CYB5R3: variants seen among roughly 807,000 people sequenced by gnomAD.
CYB5R3 encodes cytochrome b5 reductase 3, also known as NADH-cytochrome b5 reductase 3.
Under a neutral mutation model 36.5 loss-of-function variants are expected in CYB5R3, and 28 were observed. The ratio of observed to expected loss-of-function variants is 0.77; its 90% CI spans 0.57 to 1.05. CYB5R3 has a LOEUF of 1.05. CYB5R3 is among the 50% of genes least tolerant of loss of function. The pLI is 0.00. For synonymous variants in CYB5R3, 181 were observed against 159.8 expected (o/e 1.13, Z -1.00); for missense variants, 474 against 408.9 (o/e 1.16, Z -1.37).
chr22:42,620,003 A>G (rs1927880611), intron 8 of CYB5R3, 58 bp from the exon 9 acceptor site: 4 of 1,486,240 alleles, frequency 2.7e-6, no homozygotes, highest in Non-Finnish European at 2.8e-6. Context: ...CAACCTGCTG[A>G]CCGACCAACC....
At chr22:42,637,495 G>A (rs1186452911) in intron 1 of CYB5R3, among the ~76,000 whole-genome samples, 2 of 152,142 alleles carry the variant, frequency 1.3e-5, no homozygotes, top group African/African-American at 4.8e-5. Flanking sequence ...GAGTGTCCCT[G>A]AGCCCTGGGG....
intron 2 of CYB5R3, 54 bp downstream of exon 2, chr22:42,636,661 G>A: frequency 6.3e-7 from 1 of 1,598,554 alleles, no homozygotes. Flanking sequence ...GCACAGAGTA[G>A]GTGCTGGGCA....
intron 1 of CYB5R3, among the ~76,000 whole-genome samples, chr22:42,645,305 G>A (rs1009409566): frequency 2.0e-5 from 3 of 152,188 alleles, no homozygotes; most frequent in African/African-American, 7.2e-5. Flanking sequence ...AGGGACAACA[G>A]GCTCCCACCC....
At chr22:42,623,974 C>G in intron 7 of CYB5R3, 86 bp from the exon 8 acceptor site, 1 of 1,189,602 alleles carries the variant, frequency 8.4e-7, no homozygotes, top group Non-Finnish European at 1.2e-6. Flanking sequence ...CTCGTCATCG[C>G]GCCCGCCTGC....
intron 1 of CYB5R3, among the ~76,000 whole-genome samples, chr22:42,641,392 C>T (rs12160248): frequency 0.014 from 2,085 of 151,276 alleles, 45 homozygotes; most frequent in African/African-American, 0.047. Context: ...CTCCAACCTC[C>T]GCCTTCTGGG....
chr22:42,636,806 C>T lies in CYB5R3; in HGVS notation c.62G>A (p.Ser21Asn), dbSNP rs1176365879. Residue 21 changes from serine to asparagine, a missense_variant, in exon 2 of 9, where the codon AGT (serine) becomes AAT (asparagine). By Grantham distance (46) the Ser-to-Asn change is conservative (BLOSUM62 1). Coordinates refer to ENST00000352397, the MANE Select transcript of CYB5R3 (RefSeq NM_000398.7). ...MVLFPVWFLY[S>N]LLMKLFQRST... ...GCGCTGGAACAGCTTCATGAGCAGA[C>T]TGTACAGGAACCAGACTGGGAAGAG... The T allele has an allele frequency of 6.2e-7, 1 of 1,613,984 alleles. No homozygotes were observed. Among genetic ancestry groups the T allele is most frequent in the Non-Finnish European group, 8.5e-7 (1 of 1,180,018 alleles).
chr22:42,640,098 A>T, intron 1 of CYB5R3: 1 of 1,613,956 alleles, frequency 6.2e-7, no homozygotes. Context: ...CAGTCTGAGC[A>T]CTACTGACTA....
rs546721773 is a variant in CYB5R3 at position 42,620,005 on chromosome 22, C to G, written c.734-60G>C. The G allele has an allele frequency of 2.0e-6, 3 of 1,479,244 alleles. No individual in the cohort carries two copies. The East Asian group carries it at 7.3e-5, about 36-fold the overall frequency. The allele number at this position is 1,479,244 out of a possible 1,614,324, so 91.6% of individuals were successfully genotyped here. On this transcript the variant is annotated intron_variant, in intron 8 of 8. Transcript: ENST00000352397. The stretch of plus-strand genomic sequence containing the variant: ...GCTGTGTGGTCACCAACCTGCTGAC[C>G]GACCAACCCTAGGCGGTGAATTCCT...
rs146470568 is a variant in CYB5R3, at chr22:42,643,790, T to C, written c.21+5505A>G. Among the ~76,000 whole-genome samples the C allele has an allele frequency of 5.3e-4, 80 of 152,066 alleles. 1 individual carries two copies. In the East Asian group the frequency reaches 0.011, roughly 22 times the overall value. ...TGGGTCAGAGAGACCAGGGTTTGAG[T>C]CCCAGCTAAGGATGGCAGGAGAGTC... On this transcript the variant is annotated intron_variant, in intron 1 of 8. Transcript: ENST00000352397.
chr22:42,627,486 C>G, intron 6 of CYB5R3, 97 bp from the exon 7 acceptor site: 2 of 1,453,088 alleles, frequency 1.4e-6, no homozygotes, highest in Non-Finnish European at 1.9e-6. Flanking sequence ...GCCAGGACCA[C>G]TGGGCCTGGG....
rs114790710 is a variant in CYB5R3, at chr22:42,631,591, C to T, written c.154-141G>A. ...GCCTGCTTGTCCTTGTAAGACGTGA[C>T]GCCGACGCCAAGCACAGATGCACAC... On this transcript the variant is annotated intron_variant, in intron 2 of 8. Coordinates refer to ENST00000352397, the MANE Select transcript of CYB5R3 (RefSeq NM_000398.7). The T allele has an allele frequency of 1.8e-4, 134 of 765,172 alleles. No individual in the cohort carries two copies. The African/African-American group carries it at 2.0e-3, about 11-fold the overall frequency. 47.4% of individuals were successfully genotyped at this position (765,172 alleles called of 1,614,324 possible).
At chr22:42,639,977 C>T (rs1445712543) in intron 1 of CYB5R3, 1 of 1,611,312 alleles carries the variant, frequency 6.2e-7, no homozygotes, top group Non-Finnish European at 8.5e-7. Context: ...ACATTCTAGC[C>T]AATGATGCCA....
intron 2 of CYB5R3, 74 bp downstream of exon 2, chr22:42,636,641 C>G (rs1928905658): frequency 6.3e-7 from 1 of 1,580,834 alleles, no homozygotes; most frequent in African/African-American, 1.3e-5. Flanking sequence ...AGAGCAGGAC[C>G]ATGCCCTGAG....
chr22:42,647,748 G>A (rs1228737376), intron 1 of CYB5R3, among the ~76,000 whole-genome samples: 2 of 152,230 alleles, frequency 1.3e-5, no homozygotes, highest in Admixed American at 1.3e-4. Flanking sequence ...AGGCATATTG[G>A]CACGTGCCTG....
chr22:42,622,538 C>G (rs986579299), intron 8 of CYB5R3, among the ~76,000 whole-genome samples: 2 of 152,132 alleles, frequency 1.3e-5, no homozygotes, highest in Non-Finnish European at 2.9e-5. Flanking sequence ...TCCACCACCC[C>G]CTCCAGGCCT....
chr22:42,630,859 C>T (rs1001662615), intron 4 of CYB5R3, 23 bp downstream of exon 4: 3 of 1,594,462 alleles, frequency 1.9e-6, no homozygotes, highest in South Asian at 1.1e-5. Flanking sequence ...ACCCCCTCCA[C>T]AGTCATGACC....
intron 8 of CYB5R3, among the ~76,000 whole-genome samples, 155 bp downstream of exon 8, chr22:42,623,634 C>G (rs575237975): frequency 6.6e-6 from 1 of 152,302 alleles, no homozygotes; most frequent in East Asian, 1.9e-4. Context: ...AGCCCTTGTT[C>G]CTCATCTGTG....
chr22:42,639,055 C>T (rs371416795), intron 1 of CYB5R3: 50 of 417,564 alleles, frequency 1.2e-4, no homozygotes, highest in African/African-American at 7.1e-4. Context: ...AAAGGCCAGG[C>T]GCTGTAGCTC....
At chr22:42,624,949 T>C (rs1928188689) in intron 7 of CYB5R3, among the ~76,000 whole-genome samples, 1 of 152,096 alleles carries the variant, frequency 6.6e-6, no homozygotes, top group African/African-American at 2.4e-5. Context: ...GCAGATGAGC[T>C]GTGTGAGGGG....
Sources: gnomAD v4.1 joint callset for allele counts (sites outside exome capture counted in the v4.1 genomes callset) on GRCh38, gnomAD v4.1.1 for gene constraint, MANE v1.5 for transcripts, NCBI Gene and HGNC (gene_info 2026-07-23, HGNC 2026-07-21) for gene names.